The following DLG2 variants were observed in gnomAD, a reference collection of about 807,000 sequenced individuals.
DLG2 encodes the protein discs large MAGUK scaffold protein 2.
A neutral mutation model predicts 132.5 loss-of-function variants in DLG2; 45 were observed. The observed-to-expected ratio is 0.34, with a 90% CI of 0.27 to 0.44. DLG2 has a LOEUF of 0.44. Ranked by LOEUF, DLG2 falls within the 20% of genes least tolerant of loss-of-function variation. The probability of loss-of-function intolerance (pLI) is 1.00; values close to 1 mark genes in which losing one functional copy is unlikely to be tolerated. For missense variants in DLG2, 1,045 were observed against 1,196.9 expected (o/e 0.87, Z 1.87); for synonymous variants, 424 against 419.6 (o/e 1.01, Z -0.13).
At chr11:84,379,227 A>T (rs987112675) in intron 7 of DLG2, among the ~76,000 whole-genome samples, 1 of 152,128 alleles carries the variant, frequency 6.6e-6, no homozygotes, top group Non-Finnish European at 1.5e-5. Context: ...AAAAGCTCAA[A>T]CAATTCAAAG....
intron 7 of DLG2, among the ~76,000 whole-genome samples, chr11:84,398,291 G>T (rs1365891233): frequency 2.6e-5 from 4 of 152,124 alleles, no homozygotes; most frequent in Middle Eastern, 3.2e-3. Flanking sequence ...CAGCATCAGA[G>T]GTAGTGCAAG....
chr11:85,386,315 G>A (rs1596750417), intron 3 of DLG2, among the ~76,000 whole-genome samples: 1 of 152,240 alleles, frequency 6.6e-6, no homozygotes, highest in East Asian at 1.9e-4. Flanking sequence ...TCACTTTAAA[G>A]ACGAGAAAAC....
chr11:84,621,497 C>T (rs1447576651), intron 6 of DLG2, among the ~76,000 whole-genome samples: 2 of 152,028 alleles, frequency 1.3e-5, no homozygotes, highest in Non-Finnish European at 2.9e-5. Context: ...AATAAATGAG[C>T]CTCCCATGTA....
At chr11:84,178,905 T>C (rs2096046938) in intron 8 of DLG2, among the ~76,000 whole-genome samples, 1 of 152,004 alleles carries the variant, frequency 6.6e-6, no homozygotes, top group Admixed American at 6.6e-5. Flanking sequence ...AATCAGAATC[T>C]CTAATTGCTT....
chr11:84,165,673 G>A (rs965061625), intron 8 of DLG2, among the ~76,000 whole-genome samples: 7 of 152,088 alleles, frequency 4.6e-5, no homozygotes, highest in Non-Finnish European at 8.8e-5. Context: ...GCTGATGCAG[G>A]CAGATCACAA....
At chr11:85,331,219 G>A (rs1398516256) in intron 3 of DLG2, among the ~76,000 whole-genome samples, 3 of 152,012 alleles carry the variant, frequency 2.0e-5, no homozygotes, top group Non-Finnish European at 4.4e-5. Flanking sequence ...CAACTAGCAG[G>A]CCAAAACTGT....
chr11:84,437,908 A>G (rs2099005803), intron 7 of DLG2: 1 of 152,624 alleles, frequency 6.6e-6, no homozygotes, highest in South Asian at 2.1e-4. Flanking sequence ...CTATCTTGAC[A>G]GTACGTGCTG....
At chr11:85,063,707 A>T (rs922678286) in intron 6 of DLG2, among the ~76,000 whole-genome samples, 3 of 151,860 alleles carry the variant, frequency 2.0e-5, no homozygotes, top group Non-Finnish European at 2.9e-5. Context: ...TCTTGAATAA[A>T]ATATAAAATC....
intron 6 of DLG2, among the ~76,000 whole-genome samples, chr11:85,001,469 T>C (rs982105353): frequency 6.6e-6 from 1 of 152,184 alleles, no homozygotes; most frequent in Non-Finnish European, 1.5e-5. Flanking sequence ...GACCATGCTA[T>C]GGAGCTTAGA....
intron 7 of DLG2, among the ~76,000 whole-genome samples, chr11:84,445,692 G>A (rs1435830815): frequency 6.6e-6 from 1 of 151,854 alleles, no homozygotes; most frequent in Non-Finnish European, 1.5e-5. Context: ...CGAGGCGGGT[G>A]GATCACTAGC....
rs994078708 is a variant in DLG2 at position 83,557,827 on chromosome 11, C to G, written c.1941-15969G>C. On this transcript the variant is annotated intron_variant, in intron 19 of 27. Transcript: ENST00000376104. ...CCTGTTTTACAGATGGGTGAGCGCT[C>G]TAAGGGAACTAACTTGTTGTGAAGT... Among the ~76,000 whole-genome samples, 5 of 152,016 alleles carry G rather than the reference C, an allele frequency of 3.3e-5. No homozygotes were observed. The East Asian group carries it at 9.6e-4, about 29-fold the overall frequency.
chr11:85,217,012 A>T (rs1414284396), intron 4 of DLG2, among the ~76,000 whole-genome samples: 4 of 152,066 alleles, frequency 2.6e-5, no homozygotes. Context: ...CTCTTATAAT[A>T]ATTCACATTT....
intron 7 of DLG2, among the ~76,000 whole-genome samples, chr11:84,341,437 C>A (rs1256511369): frequency 6.6e-6 from 1 of 152,100 alleles, no homozygotes; most frequent in Non-Finnish European, 1.5e-5. Flanking sequence ...TTTACATAAA[C>A]CAGTTCCTGT....
intron 16 of DLG2, among the ~76,000 whole-genome samples, chr11:83,850,161 T>TGTGTGTGTGTGTG (rs58290466): frequency 0.02 from 2,497 of 126,664 alleles, 84 homozygotes; most frequent in African/African-American, 0.057. Context: ...TGTGTGTGTG[T>TGTGTGTGTGTGTG]TTTTTTACTT....
chr11:85,087,023 T>G (rs2068023370), intron 6 of DLG2, among the ~76,000 whole-genome samples: 1 of 152,218 alleles, frequency 6.6e-6, no homozygotes, highest in Non-Finnish European at 1.5e-5. Context: ...TCAAGCTGTC[T>G]CATTCCTATT....
At chr11:85,333,340 G>A (rs972740274) in intron 3 of DLG2, among the ~76,000 whole-genome samples, 1 of 152,158 alleles carries the variant, frequency 6.6e-6, no homozygotes, top group Non-Finnish European at 1.5e-5. Flanking sequence ...GATCTTCTTG[G>A]CAGAGACTAT....
chr11:84,196,771 T>C (rs1292895581), intron 8 of DLG2, among the ~76,000 whole-genome samples: 1 of 152,116 alleles, frequency 6.6e-6, no homozygotes, highest in Non-Finnish European at 1.5e-5. Flanking sequence ...CCGAGTGCAG[T>C]GGCTCACACC....
At chr11:85,015,613 G>A (rs867865524) in intron 6 of DLG2, among the ~76,000 whole-genome samples, 23 of 152,160 alleles carry the variant, frequency 1.5e-4, no homozygotes, top group Admixed American at 2.6e-4. Flanking sequence ...GCTTGAAAAA[G>A]ATGAAAAGAA....
chr11:84,342,159 T>C (rs2098518022), intron 7 of DLG2, among the ~76,000 whole-genome samples: 1 of 152,126 alleles, frequency 6.6e-6, no homozygotes, highest in African/African-American at 2.4e-5. Context: ...TATTTGAAGC[T>C]CACCCAGGAG....
Sources: gnomAD v4.1 joint callset for allele counts (sites outside exome capture counted in the v4.1 genomes callset) on GRCh38, gnomAD v4.1.1 for gene constraint, MANE v1.5 for transcripts, NCBI Gene and HGNC (gene_info 2026-07-23, HGNC 2026-07-21) for gene names.